TBC1D22B: variants seen among roughly 807,000 people sequenced by gnomAD.
TBC1D22B encodes the protein chromosome 6 open reading frame 197.
TBC1D22B carries 32 observed loss-of-function variants against 69.1 expected under a neutral mutation model. That is an observed-to-expected ratio of 0.46 (90% confidence interval 0.35 to 0.62). TBC1D22B has a LOEUF of 0.62. Among genes scored for constraint, TBC1D22B ranks in the 20% least tolerant of loss-of-function variants. The probability of loss-of-function intolerance (pLI) is 0.00; values close to 1 mark genes in which losing one functional copy is unlikely to be tolerated. For missense variants in TBC1D22B, 462 were observed against 630.9 expected (o/e 0.73, Z 2.87); for synonymous variants, 206 against 229.8 (o/e 0.90, Z 0.94).
At chr6:37,330,300 G>A (rs28410882) in intron 12 of TBC1D22B, among the ~76,000 whole-genome samples, 4 of 139,334 alleles carry the variant, frequency 2.9e-5, no homozygotes, top group Admixed American at 7.7e-5. Flanking sequence ...GTGCAGTGGC[G>A]CGATCTGGGC....
chr6:37,285,087 A>G (rs1222849142), intron 6 of TBC1D22B, among the ~76,000 whole-genome samples: 1 of 152,104 alleles, frequency 6.6e-6, no homozygotes, highest in East Asian at 1.9e-4. Flanking sequence ...AGGGAGGAGA[A>G]GAGTAGGCCA....
At chr6:37,282,614 T>A (rs1766871288) in intron 4 of TBC1D22B, among the ~76,000 whole-genome samples, 1 of 150,134 alleles carries the variant, frequency 6.7e-6, no homozygotes, top group Non-Finnish European at 1.5e-5. Context: ...CTTCCTTATC[T>A]CAAGGTGACT....
At chr6:37,298,910 T>C (rs181282762) in intron 8 of TBC1D22B, among the ~76,000 whole-genome samples, 62 of 152,346 alleles carry the variant, frequency 4.1e-4, no homozygotes, top group Admixed American at 1.3e-3. Context: ...ACATATTTTC[T>C]TGTGCACTTG....
chr6:37,314,220 C>T (rs1208700674), intron 10 of TBC1D22B, among the ~76,000 whole-genome samples: 2 of 152,232 alleles, frequency 1.3e-5, no homozygotes, highest in South Asian at 2.1e-4. Flanking sequence ...TTGCCTTCTC[C>T]ATACTCTTCT....
At chr6:37,313,595 C>G (rs1363004175) in intron 9 of TBC1D22B, among the ~76,000 whole-genome samples, 1 of 152,164 alleles carries the variant, frequency 6.6e-6, no homozygotes, top group East Asian at 1.9e-4. Flanking sequence ...CCTTTCTGCT[C>G]TGTACCCCAA....
chr6:37,303,516 A>C (rs565438898), intron 8 of TBC1D22B, among the ~76,000 whole-genome samples: 2 of 151,874 alleles, frequency 1.3e-5, no homozygotes, highest in East Asian at 1.9e-4. Flanking sequence ...ATGTTTTCTC[A>C]CCCCCGGTTT....
chr6:37,298,691 G>C (rs1463043169), intron 8 of TBC1D22B, among the ~76,000 whole-genome samples: 1 of 151,816 alleles, frequency 6.6e-6, no homozygotes, highest in Non-Finnish European at 1.5e-5. Flanking sequence ...GACTACAGGC[G>C]CCCGCCACCA....
intron 12 of TBC1D22B, among the ~76,000 whole-genome samples, chr6:37,326,353 G>C (rs1458171145): frequency 1.4e-5 from 2 of 141,302 alleles, no homozygotes. Flanking sequence ...ACTCCAGCCT[G>C]GTGACAGAGT....
intron 1 of TBC1D22B, among the ~76,000 whole-genome samples, chr6:37,269,218 CT>C (rs776572197): frequency 2.0e-5 from 3 of 152,202 alleles, no homozygotes; most frequent in Non-Finnish European, 4.4e-5. Flanking sequence ...AATATTCCCA[CT>C]TTAGATGAGA....
chr6:37,310,747 G>A (rs1562062786), intron 8 of TBC1D22B, among the ~76,000 whole-genome samples: 1 of 152,162 alleles, frequency 6.6e-6, no homozygotes, highest in East Asian at 1.9e-4. Context: ...GCTTAGTGTT[G>A]TTTTACAAAG....
At chr6:37,283,101 G>C (rs530708332) in intron 5 of TBC1D22B, 149 bp downstream of exon 5, 1 of 648,730 alleles carries the variant, frequency 1.5e-6, no homozygotes, top group Non-Finnish European at 2.7e-6. Flanking sequence ...TCCTATTTCT[G>C]TGCATAAAGA....
Position 37,269,600 on chromosome 6 carries a change from G to C in TBC1D22B, c.63G>C (p.Gln21His), listed in dbSNP as rs1766416924. The stretch of plus-strand genomic sequence containing the variant: ...CTTTTGTTTTTGCTTTTAGCATTCA[G>C]CCTGTATATGGAGCACAGCATCCTC... ...KRSAKLPGSI[Q>H]PVYGAQHPPL... The change falls in exon 2 of 13, where the codon CAG (glutamine) becomes CAC (histidine). Residue 21 changes from glutamine to histidine, a missense_variant. Gln to His is a conservative substitution (Grantham distance 24). Around this residue, in one of 2 missense-constraint regions of TBC1D22B, gnomAD observed 237 missense variants for 255.4 expected, o/e 0.93. Coordinates refer to ENST00000373491, the MANE Select transcript of TBC1D22B (RefSeq NM_017772.4). The C allele has an allele frequency of 3.7e-6, 6 of 1,614,004 alleles. No individual in the cohort carries two copies. Among genetic ancestry groups the C allele is most frequent in the Non-Finnish European group, 5.1e-6 (6 of 1,179,962 alleles).
intron 2 of TBC1D22B, among the ~76,000 whole-genome samples, chr6:37,273,011 CAAAG>C (rs1251712901): frequency 6.6e-6 from 1 of 152,066 alleles, no homozygotes; most frequent in Non-Finnish European, 1.5e-5. Context: ...TCTGGCCAAT[CAAAG>C]AAAGTCTCCT....
intron 7 of TBC1D22B, 72 bp downstream of exon 7, chr6:37,287,144 G>A (rs1767031782): frequency 1.5e-5 from 19 of 1,301,050 alleles, no homozygotes; most frequent in South Asian, 8.2e-5. Context: ...ACAGGTTTGC[G>A]GCTAATCATA....
intron 2 of TBC1D22B, among the ~76,000 whole-genome samples, chr6:37,270,704 C>T (rs1261947454): frequency 1.3e-5 from 2 of 152,116 alleles, no homozygotes; most frequent in African/African-American, 4.8e-5. Context: ...TATTTGGGGG[C>T]ATGCTTAATT....
chr6:37,282,070 C>A, intron 3 of TBC1D22B, 115 bp from the exon 4 acceptor site: 1 of 1,212,614 alleles, frequency 8.2e-7, no homozygotes, highest in Non-Finnish European at 1.2e-6. Context: ...AGACAGTGCA[C>A]ACAGGCAGCC....
intron 12 of TBC1D22B, among the ~76,000 whole-genome samples, chr6:37,326,376 C>CAAAAA (rs10651731): frequency 3.5e-5 from 4 of 115,898 alleles, no homozygotes; most frequent in Admixed American, 9.1e-5. Context: ...GACTGCGCCT[C>CAAAAA]AAAAAAAAAA....
chr6:37,314,348 C>T (rs1768013280), intron 10 of TBC1D22B, among the ~76,000 whole-genome samples: 1 of 152,172 alleles, frequency 6.6e-6, no homozygotes, highest in Non-Finnish European at 1.5e-5. Flanking sequence ...GCCTGTCGTC[C>T]GGCCTTGTCC....
intron 2 of TBC1D22B, among the ~76,000 whole-genome samples, chr6:37,274,598 G>A (rs1199900278): frequency 6.6e-6 from 1 of 152,204 alleles, no homozygotes; most frequent in Non-Finnish European, 1.5e-5. Flanking sequence ...TCATAAAATA[G>A]AGATAGTAAG....
Sources: gnomAD v4.1 joint callset for allele counts (sites outside exome capture counted in the v4.1 genomes callset) on GRCh38, gnomAD v4.1.1 for gene constraint, gnomAD v4.1.1 regional missense constraint, MANE v1.5 for transcripts, NCBI Gene and HGNC (gene_info 2026-07-23, HGNC 2026-07-21) for gene names.